SWAP70: variants seen among roughly 807,000 people sequenced by gnomAD.
SWAP70 encodes the protein switch-associated protein 70.
In SWAP70, 34 loss-of-function variants were observed where a neutral mutation model predicts 80.2. The observed-to-expected ratio is 0.42, with a 90% CI of 0.32 to 0.56. The LOEUF is 0.56. SWAP70 is among the 20% of genes least tolerant of loss of function. The pLI is 0.09. For missense variants in SWAP70, 578 were observed against 690.7 expected (o/e 0.84, Z 1.83); for synonymous variants, 239 against 238.5 (o/e 1.00, Z -0.02).
chr11:9,740,379 T>G (rs1389060451), intron 9 of SWAP70, 32 bp downstream of exon 9: 1 of 1,611,492 alleles, frequency 6.2e-7, no homozygotes, highest in Non-Finnish European at 8.5e-7. Flanking sequence ...TTTGCCTTTA[T>G]GTACTTTGCC....
intron 9 of SWAP70, among the ~76,000 whole-genome samples, chr11:9,744,352 C>T (rs1254958296): frequency 6.6e-6 from 1 of 151,498 alleles, no homozygotes; most frequent in African/African-American, 2.4e-5. Flanking sequence ...TTGTGAGGTA[C>T]ATGAGATATT....
At chr11:9,717,508 A>C (rs1271850719) in intron 3 of SWAP70, among the ~76,000 whole-genome samples, 2 of 151,900 alleles carry the variant, frequency 1.3e-5, no homozygotes, top group Non-Finnish European at 2.9e-5. Context: ...GGTGGTGTGC[A>C]CCTGTTGTCC....
chr11:9,675,356 A>G (rs865784373), intron 1 of SWAP70, among the ~76,000 whole-genome samples: 134 of 9,680 alleles, frequency 0.014, 4 homozygotes, highest in African/African-American at 0.035. Context: ...CGAGAGAGAG[A>G]GAGAGAGAGA....
intron 3 of SWAP70, chr11:9,720,052 C>A: frequency 1.0e-6 from 1 of 985,092 alleles, no homozygotes; most frequent in Non-Finnish European, 1.2e-6. Flanking sequence ...CTTCCTGAAA[C>A]TGAATGAGCT....
chr11:9,749,744 T>A (rs566739971), intron 11 of SWAP70, 120 bp from the exon 12 acceptor site: 5 of 636,406 alleles, frequency 7.9e-6, no homozygotes. Flanking sequence ...GGTATGACAT[T>A]TATGCATGTT....
intron 1 of SWAP70, among the ~76,000 whole-genome samples, chr11:9,685,963 GGA>G (rs1201868675): frequency 3.9e-5 from 6 of 152,090 alleles, no homozygotes; most frequent in African/African-American, 1.4e-4. Flanking sequence ...CTGACACATT[GGA>G]GATTAAGTTT....
chr11:9,715,187 C>T (rs1218245830), intron 3 of SWAP70, among the ~76,000 whole-genome samples: 6 of 151,972 alleles, frequency 3.9e-5, no homozygotes, highest in Admixed American at 3.3e-4. Context: ...CCATGTTGCC[C>T]AGCCTGGTAT....
intron 1 of SWAP70, among the ~76,000 whole-genome samples, chr11:9,667,387 C>G (rs1850321576): frequency 6.6e-6 from 1 of 151,872 alleles, no homozygotes. Context: ...AGTAGCTAGG[C>G]TCACAGGCAT....
intron 2 of SWAP70, among the ~76,000 whole-genome samples, chr11:9,701,217 G>T (rs1317756252): frequency 6.6e-6 from 1 of 151,438 alleles, no homozygotes; most frequent in Non-Finnish European, 1.5e-5. Flanking sequence ...TGTTCCCCAG[G>T]CTGGAGTGTG....
At chr11:9,705,590 AC>A (rs1850896928) in intron 2 of SWAP70, among the ~76,000 whole-genome samples, 1 of 143,440 alleles carries the variant, frequency 7.0e-6, no homozygotes, top group Non-Finnish European at 1.5e-5. Context: ...ATCTGTGTAC[AC>A]TTGGTGATCT....
At chr11:9,677,865 T>C (rs1850520652) in intron 1 of SWAP70, among the ~76,000 whole-genome samples, 1 of 151,770 alleles carries the variant, frequency 6.6e-6, no homozygotes, top group African/African-American at 2.4e-5. Context: ...ATTTTCTCAA[T>C]GATAGATTTT....
At position 9,740,320 on chromosome 11, in the gene SWAP70, A is replaced by C; in HGVS notation, c.1328A>C (p.Glu443Ala). 2 of 1,614,216 alleles carry C rather than the reference A, an allele frequency of 1.2e-6. No homozygotes were observed. Among genetic ancestry groups the C allele is most frequent in the Non-Finnish European group, 1.7e-6 (2 of 1,180,008 alleles). The change falls in exon 9 of 12, where the codon GAA becomes GCA. Residue 443 changes from glutamate to alanine, a missense_variant. Coordinates refer to ENST00000318950, the MANE Select transcript of SWAP70 (RefSeq NM_015055.4). ...GATGAGAGACAGGCCCGGCAAGATG[A>C]AGAGACAGTGCGGAAGCTTCAGGCC... The part of the protein sequence containing the change: ...LEDERQARQD[E>A]ETVRKLQARL...
intron 2 of SWAP70, among the ~76,000 whole-genome samples, chr11:9,706,755 A>G (rs1189609379): frequency 6.6e-6 from 1 of 152,090 alleles, no homozygotes; most frequent in African/African-American, 2.4e-5. Context: ...ACATTATATA[A>G]TTCTTCGTGT....
chr11:9,733,377 CTT>C (rs1035348570), intron 7 of SWAP70, among the ~76,000 whole-genome samples: 9 of 152,200 alleles, frequency 5.9e-5, no homozygotes, highest in Admixed American at 5.2e-4. Context: ...CTCAAGGACT[CTT>C]TCATGCACAT....
At chr11:9,725,178 A>G (rs1564829235) in intron 4 of SWAP70, 4 of 260,690 alleles carry the variant, frequency 1.5e-5, no homozygotes, top group Non-Finnish European at 2.2e-5. Flanking sequence ...GGGTTTTACC[A>G]TGTTGGCCAG....
At chr11:9,729,031 A>G (rs544213560) in intron 5 of SWAP70, among the ~76,000 whole-genome samples, 1 of 152,324 alleles carries the variant, frequency 6.6e-6, no homozygotes, top group East Asian at 1.9e-4. Flanking sequence ...CTCTTGTAAC[A>G]TCATCACAGA....
chr11:9,694,484 T>TGATGTTTTTCCAACTTGGTTC (rs1486460714), intron 2 of SWAP70, among the ~76,000 whole-genome samples, 198 bp downstream of exon 2: 1 of 152,220 alleles, frequency 6.6e-6, no homozygotes, highest in African/African-American at 2.4e-5. Context: ...AAACTTGGTT[T>TGATGTTTTTCCAACTTGGTTC]GATGTTTTTC....
chr11:9,694,412 A>C, intron 2 of SWAP70, 126 bp downstream of exon 2: 1 of 1,117,162 alleles, frequency 9.0e-7, no homozygotes, highest in Non-Finnish European at 1.2e-6. Flanking sequence ...ATAAACCAGA[A>C]AGGAAGAAAG....
At chr11:9,720,567 T>C in intron 3 of SWAP70, 2 of 771,318 alleles carry the variant, frequency 2.6e-6, no homozygotes, top group Non-Finnish European at 3.2e-6. Context: ...CACCCACGTG[T>C]AGTCATACTG....
Sources: allele counts gnomAD v4.1 joint callset (sites outside exome capture counted in the v4.1 genomes callset), GRCh38; gene constraint gnomAD v4.1.1; transcripts MANE v1.5; gene names NCBI Gene and HGNC (gene_info 2026-07-23, HGNC 2026-07-21).